SLC7A1: variants seen among roughly 807,000 people sequenced by gnomAD.
SLC7A1 encodes the protein high affinity cationic amino acid transporter 1.
A neutral mutation model predicts 53.9 loss-of-function variants in SLC7A1; 10 were observed. The ratio of observed to expected loss-of-function variants is 0.19; its 90% CI spans 0.11 to 0.31. The LOEUF (loss-of-function observed/expected upper bound fraction) is 0.31, where lower values mean the gene tolerates loss of function less well. SLC7A1 is among the 10% of genes least tolerant of loss of function. The probability of loss-of-function intolerance (pLI) is 1.00; values close to 1 mark genes in which losing one functional copy is unlikely to be tolerated. For missense variants in SLC7A1, 525 were observed against 827.2 expected (o/e 0.63, Z 4.48); for synonymous variants, 342 against 338.7 (o/e 1.01, Z -0.11).
At chr13:29,547,310 G>A (rs1869964911) in intron 2 of SLC7A1, among the ~76,000 whole-genome samples, 1 of 152,196 alleles carries the variant, frequency 6.6e-6, no homozygotes, top group Non-Finnish European at 1.5e-5. Flanking sequence ...CGCTGGCTGT[G>A]AGGTAACAGG....
intron 1 of SLC7A1, among the ~76,000 whole-genome samples, chr13:29,584,650 G>C (rs562697145): frequency 6.6e-6 from 1 of 152,152 alleles, no homozygotes; most frequent in South Asian, 2.1e-4. Flanking sequence ...TTGTTAGGCA[G>C]AGTCAATTCC....
chr13:29,538,041 G>A (rs900442532), intron 2 of SLC7A1, among the ~76,000 whole-genome samples: 3 of 152,172 alleles, frequency 2.0e-5, no homozygotes, highest in Non-Finnish European at 2.9e-5. Context: ...ACTGGGGATG[G>A]TGCCTGCTCT....
chr13:29,522,699 A>G (rs149698105), intron 7 of SLC7A1, among the ~76,000 whole-genome samples: 228 of 152,334 alleles, frequency 1.5e-3, no homozygotes, highest in African/African-American at 5.1e-3. Flanking sequence ...TCTAACATAC[A>G]CTAGCATGAG....
chr13:29,556,774 G>T (rs930317418), intron 1 of SLC7A1, among the ~76,000 whole-genome samples: 2 of 152,182 alleles, frequency 1.3e-5, no homozygotes, highest in African/African-American at 2.4e-5. Flanking sequence ...TGTCAGAGGG[G>T]TTCCAGACCC....
Position 29,510,075 on chromosome 13 carries a change from A to G in SLC7A1, c.*4405T>C, listed in dbSNP as rs1401054298. On this transcript the variant is annotated 3_prime_UTR_variant, in exon 13 of 13. Transcript: ENST00000380752. The stretch of plus-strand genomic sequence containing the variant: ...CCTGCTTCCTGACCCTGCTGGACAC[A>G]CTAATAAATACCCTGAGAAAATCTT... The G allele has an allele frequency of 6.6e-6, 1 of 152,638 alleles. No homozygotes were observed. The highest frequency in any genetic ancestry group is 2.4e-5 in the African/African-American group (1 of 41,450). The allele number at this position is 152,638 out of a possible 1,614,324, so 9.5% of individuals were successfully genotyped here. A position where few individuals can be genotyped will look rare whatever the true frequency, so the allele number is the denominator to read the frequency against.
Position 29,530,637 on chromosome 13 carries a change from C to G in SLC7A1, c.605G>C (p.Gly202Ala). Residue 202 changes from glycine to alanine, a missense_variant, in exon 5 of 13, where the codon GGC (glycine) becomes GCC (alanine). This residue lies in a region of SLC7A1 where 354 missense variants were observed against 587.5 expected (regional missense o/e 0.60). Coordinates refer to ENST00000380752, the MANE Select transcript of SLC7A1 (RefSeq NM_003045.5). ...CACAAATCCTGACACCATTATGAAGCCCAGGACCAGGACGTTAATACAAGT... is the reference window on the plus strand; with the variant it reads ...CACAAATCCTGACACCATTATGAAGGCCAGGACCAGGACGTTAATACAAGT... ...IFTCINVLVLGFIMVSGFVKG... is the reference protein window; with the variant it reads ...IFTCINVLVLAFIMVSGFVKG... 1 of 1,614,006 alleles carries G rather than the reference C, an allele frequency of 6.2e-7. No homozygotes were observed. Among genetic ancestry groups the G allele is most frequent in the Non-Finnish European group, 8.5e-7 (1 of 1,179,936 alleles).
intron 5 of SLC7A1, 107 bp from the exon 6 acceptor site, chr13:29,524,360 C>G: frequency 7.2e-7 from 1 of 1,395,528 alleles, no homozygotes; most frequent in Non-Finnish European, 9.8e-7. Flanking sequence ...TCAGCCCTCC[C>G]TGTTACCGCT....
intron 1 of SLC7A1, among the ~76,000 whole-genome samples, chr13:29,560,203 C>T (rs1870692081): frequency 6.6e-6 from 1 of 151,908 alleles, no homozygotes; most frequent in Admixed American, 6.6e-5. Context: ...TAGCCTGGGC[C>T]TACACATAGC....
At chr13:29,576,051 G>A (rs926842942) in intron 1 of SLC7A1, among the ~76,000 whole-genome samples, 2 of 151,480 alleles carry the variant, frequency 1.3e-5, no homozygotes, top group Non-Finnish European at 1.5e-5. Context: ...ACTCTCGGAG[G>A]CTGAAATAGG....
chr13:29,582,381 GGCTATGACTGGGTC>G (rs1871685755), intron 1 of SLC7A1, among the ~76,000 whole-genome samples: 1 of 152,214 alleles, frequency 6.6e-6, no homozygotes, highest in Non-Finnish European at 1.5e-5. Context: ...TAAGTGTACA[GGCTATGACTGGGTC>G]GCCACACCCC....
intron 1 of SLC7A1, among the ~76,000 whole-genome samples, chr13:29,568,042 GA>G (rs1160019899): frequency 2.0e-5 from 3 of 151,778 alleles, no homozygotes; most frequent in Admixed American, 2.0e-4. Flanking sequence ...GGACTCCATC[GA>G]AAAAATGGCT....
chr13:29,526,814 C>T (rs1048401638), intron 5 of SLC7A1, among the ~76,000 whole-genome samples: 2 of 152,226 alleles, frequency 1.3e-5, no homozygotes, highest in African/African-American at 4.8e-5. Context: ...TCCTCCCCGG[C>T]TCCTCAGGAC....
At chr13:29,564,384 C>T (rs1870882368) in intron 1 of SLC7A1, among the ~76,000 whole-genome samples, 1 of 152,134 alleles carries the variant, frequency 6.6e-6, no homozygotes, top group Admixed American at 6.5e-5. Context: ...TAAGCCAAGC[C>T]TTTGAAGGTT....
At chr13:29,554,046 A>C (rs1870321829) in intron 1 of SLC7A1, among the ~76,000 whole-genome samples, 186 bp from the exon 2 acceptor site, 1 of 152,230 alleles carries the variant, frequency 6.6e-6, no homozygotes, top group African/African-American at 2.4e-5. Flanking sequence ...GGGGGAATTC[A>C]GGGAGAAGAT....
In SLC7A1 at chr13:29,586,986, T is replaced by C. The variant is rs532334105; in HGVS notation, c.-115+8430A>G. ...CGTCCAGGTTGGGCGTTACGTGGAC[T>C]CAGCAGGGTGTGTGGAGTCTGGGCG... On this transcript the variant is annotated intron_variant, in intron 1 of 12. Coordinates refer to ENST00000380752, the MANE Select transcript of SLC7A1 (RefSeq NM_003045.5). 1.4e-3 allele frequency among the ~76,000 whole-genome samples: 217 copies of C among 152,250 alleles called. 1 individual carries two copies. The highest frequency in any genetic ancestry group is 2.1e-3 in the Non-Finnish European group (146 of 68,048).
chr13:29,516,964 C>T, intron 11 of SLC7A1, 180 bp downstream of exon 11: 1 of 518,834 alleles, frequency 1.9e-6, no homozygotes, highest in Non-Finnish European at 3.3e-6. Flanking sequence ...GCTGCTGCCT[C>T]CTTCCAGGGT....
At chr13:29,554,213 G>A (rs757817317) in intron 1 of SLC7A1, among the ~76,000 whole-genome samples, 28 of 152,192 alleles carry the variant, frequency 1.8e-4, no homozygotes, top group Non-Finnish European at 2.2e-4. Flanking sequence ...CTGAGGCCCC[G>A]GTCAGGCGCC....
intron 12 of SLC7A1, among the ~76,000 whole-genome samples, chr13:29,515,162 T>C (rs989531303): frequency 6.6e-6 from 1 of 152,210 alleles, no homozygotes; most frequent in African/African-American, 2.4e-5. Flanking sequence ...CCACCTTGTG[T>C]GGCTGACACA....
chr13:29,541,681 A>G (rs1593554645), intron 2 of SLC7A1, among the ~76,000 whole-genome samples: 2 of 152,234 alleles, frequency 1.3e-5, no homozygotes, highest in Non-Finnish European at 2.9e-5. Flanking sequence ...CATGCTCACT[A>G]ATGTTGAATA....
Sources: gnomAD v4.1 joint callset for allele counts (sites outside exome capture counted in the v4.1 genomes callset) on GRCh38, gnomAD v4.1.1 for gene constraint, gnomAD v4.1.1 regional missense constraint, MANE v1.5 for transcripts, NCBI Gene and HGNC (gene_info 2026-07-23, HGNC 2026-07-21) for gene names.